Variants in SVOP observed in about 807,000 individuals in gnomAD.
The protein encoded by SVOP is synaptic vesicle 2-related protein.
In SVOP, 17 loss-of-function variants were observed where a neutral mutation model predicts 69.1. The observed-to-expected ratio is 0.25, with a 90% confidence interval of 0.17 to 0.37. SVOP has a LOEUF of 0.37. Ranked by LOEUF, SVOP falls within the 10% of genes least tolerant of loss-of-function variation. The pLI, the probability that SVOP is intolerant of heterozygous loss-of-function variation, is 1.00. For missense variants in SVOP, 435 were observed against 597.5 expected, an observed-to-expected ratio of 0.73 and a Z score of 2.84; for synonymous variants, 238 against 238.6, an observed-to-expected ratio of 1.00 and a Z score of 0.02.
intron 11 of SVOP, among the ~76,000 whole-genome samples, chr12:108,930,053 G>T (rs2039806590): frequency 6.6e-6 from 1 of 152,148 alleles, no homozygotes; most frequent in African/African-American, 2.4e-5. Flanking sequence ...TCCCTTGCCT[G>T]TTTTTTGCCT....
At chr12:108,912,856 G>C (rs1470355642) in intron 15 of SVOP, 115 bp from the exon 16 acceptor site, 1 of 1,085,492 alleles carries the variant, frequency 9.2e-7, no homozygotes, top group Non-Finnish European at 1.3e-6. Flanking sequence ...TTGCTAAAAA[G>C]GATCTGGTGA....
rs552122636 is a variant in SVOP, at chr12:108,914,878, A to T, written c.1440+905T>A. Among the ~76,000 whole-genome samples the T allele has an allele frequency of 3.9e-3, 595 of 151,552 alleles. 1 individual carries two copies. Among genetic ancestry groups the T allele is most frequent in the Non-Finnish European group, 4.3e-3 (295 of 67,868 alleles). On this transcript the variant is annotated intron_variant, in intron 15 of 15. Coordinates refer to ENST00000610966, the MANE Select transcript of SVOP (RefSeq NM_018711.5). ...TGACCCTTCTTTCCTTTTGTTAAAA[A>T]AAAAAAAATTTTTTTGGCCAGGCAC...
chr12:109,014,826 A>G (rs1353169015), intron 1 of SVOP, among the ~76,000 whole-genome samples: 1 of 152,032 alleles, frequency 6.6e-6, no homozygotes. Flanking sequence ...GGCTCAAGCA[A>G]TCTTCCCTCC....
rs1375510665 is a variant in SVOP at position 108,910,691 on chromosome 12, A to G, written c.*1844T>C. 3 of 152,200 alleles carry G rather than the reference A, an allele frequency of 2.0e-5. No homozygotes were observed. The highest frequency in any genetic ancestry group is 4.4e-5 in the Non-Finnish European group (3 of 68,034). 9.4% of individuals were successfully genotyped at this position (152,200 alleles called of 1,614,324 possible). A position where few individuals can be genotyped will look rare whatever the true frequency, so the allele number is the denominator to read the frequency against. On this transcript the variant is annotated 3_prime_UTR_variant, in exon 16 of 16. Coordinates refer to ENST00000610966, the MANE Select transcript of SVOP (RefSeq NM_018711.5). ...AGTCCCCCATCATGACCTGCACACC[A>G]TTAGAAGAAAGTGTTGTCTCCAACA...
chr12:109,015,135 T>C (rs1240811955), intron 1 of SVOP, among the ~76,000 whole-genome samples: 1 of 152,074 alleles, frequency 6.6e-6, no homozygotes, highest in Non-Finnish European at 1.5e-5. Flanking sequence ...TTTGAGACTT[T>C]ATGAGAGTGA....
At chr12:109,009,538 G>A (rs1001511263) in intron 1 of SVOP, among the ~76,000 whole-genome samples, 9 of 151,472 alleles carry the variant, frequency 5.9e-5, no homozygotes, top group African/African-American at 1.7e-4. Flanking sequence ...TCAGCCTCCC[G>A]AGTAGCTGGG....
intron 1 of SVOP, 79 bp downstream of exon 1, chr12:109,020,755 C>CA: frequency 4.0e-5 from 7 of 174,594 alleles, no homozygotes; most frequent in Admixed American, 3.0e-4. Flanking sequence ...CAGAGATGTA[C>CA]CCCCCCCCAC....
In SVOP at chr12:108,911,033, T is replaced by C. The variant is rs1346236835; in HGVS notation, c.*1502A>G. On this transcript the variant is annotated 3_prime_UTR_variant, in exon 16 of 16. Transcript: ENST00000610966. ...TTGTCTATGTCCCCTGCCTTCACCATGGGAAAAAAGGCTCCAGTAAACCAA... is the reference window on the plus strand; with the variant it reads ...TTGTCTATGTCCCCTGCCTTCACCACGGGAAAAAAGGCTCCAGTAAACCAA... 6.6e-6 allele frequency: 1 copy of C among 152,130 alleles called. No individual in the cohort carries two copies. Among genetic ancestry groups the C allele is most frequent in the Non-Finnish European group, 1.5e-5 (1 of 68,028 alleles). The allele number at this position is 152,130 out of a possible 1,614,324, so 9.4% of individuals were successfully genotyped here. A position where few individuals can be genotyped will look rare whatever the true frequency, so the allele number is the denominator to read the frequency against.
intron 10 of SVOP, 30 bp downstream of exon 10, chr12:108,937,234 G>C (rs770340600): frequency 3.1e-6 from 5 of 1,611,200 alleles, no homozygotes; most frequent in Non-Finnish European, 3.4e-6. Flanking sequence ...GAGTGGAAAG[G>C]GGTCAAAGTG....
In SVOP at chr12:108,940,920, A is replaced by T; in HGVS notation, c.643-11T>A. On this transcript the variant is annotated splice_polypyrimidine_tract_variant and intron_variant, in intron 7 of 15. Transcript: ENST00000610966. ...GATGGCCCAGAATACCTGGCACAGG[A>T]GAATCAGGGTCAGTGGTGGGGGTAG... 6.5e-7 allele frequency: 1 copy of T among 1,536,064 alleles called. No individual in the cohort carries two copies. Among genetic ancestry groups the T allele is most frequent in the Middle Eastern group, 1.7e-4 (1 of 5,956 alleles).
intron 11 of SVOP, among the ~76,000 whole-genome samples, chr12:108,928,198 G>C (rs760326882): frequency 3.9e-5 from 6 of 151,900 alleles, no homozygotes; most frequent in Non-Finnish European, 5.9e-5. Context: ...GCCACCATGC[G>C]CAGCCAACCC....
chr12:108,914,585 T>C (rs909245649), intron 15 of SVOP, among the ~76,000 whole-genome samples: 1 of 152,174 alleles, frequency 6.6e-6, no homozygotes, highest in Non-Finnish European at 1.5e-5. Flanking sequence ...TTTTTTCTTT[T>C]TGAGACAAGG....
chr12:108,973,758 CT>C (rs1183764820), intron 4 of SVOP, among the ~76,000 whole-genome samples: 1 of 152,150 alleles, frequency 6.6e-6, no homozygotes, highest in African/African-American at 2.4e-5. Context: ...CAGATTCTTT[CT>C]CAAGAACGAG....
rs148957829 is a variant in SVOP at position 108,962,524 on chromosome 12, C to T, written c.454-1477G>A. On this transcript the variant is annotated intron_variant, in intron 5 of 15. Transcript: ENST00000610966. ...AAATGGAGTGTTGCTATGTTGCCCA[C>T]GCTGATCTTGAACTCCTGAGTTCAA... is the stretch of plus-strand genomic sequence containing the variant. 2.4e-3 allele frequency among the ~76,000 whole-genome samples: 373 copies of T among 152,262 alleles called. 10 individuals carry two copies. The East Asian group carries it at 0.061, about 25-fold the overall frequency.
intron 1 of SVOP, among the ~76,000 whole-genome samples, chr12:109,015,763 A>G (rs941275003): frequency 1.3e-5 from 2 of 152,210 alleles, no homozygotes; most frequent in African/African-American, 4.8e-5. Context: ...ACTGCACTCC[A>G]GCCTGGGCAA....
chr12:108,939,256 TG>T (rs1437878885), intron 8 of SVOP, among the ~76,000 whole-genome samples: 2 of 152,194 alleles, frequency 1.3e-5, no homozygotes, highest in Non-Finnish European at 2.9e-5. Context: ...GTGCAGTGCC[TG>T]GTATGGGTTA....
In SVOP at chr12:108,957,459, C is replaced by T. The variant is rs542229171; in HGVS notation, c.578+3464G>A. 9.9e-5 allele frequency among the ~76,000 whole-genome samples: 15 copies of T among 152,218 alleles called. 1 individual carries two copies. The East Asian group carries it at 1.7e-3, about 18-fold the overall frequency. ...GATTACAGACGTGAGCCACCGTGCC[C>T]GGACCCATTAGACTTTAAGCAACAG... On this transcript the variant is annotated intron_variant, in intron 6 of 15. Transcript: ENST00000610966.
chr12:108,929,730 G>T (rs537516234), intron 11 of SVOP, among the ~76,000 whole-genome samples: 6 of 152,180 alleles, frequency 3.9e-5, no homozygotes, highest in African/African-American at 1.4e-4. Flanking sequence ...GAATACTTGC[G>T]TATACAGAAA....
At chr12:108,943,705 G>A (rs2039906007) in intron 7 of SVOP, among the ~76,000 whole-genome samples, 1 of 152,120 alleles carries the variant, frequency 6.6e-6, no homozygotes. Flanking sequence ...CCTGAGAGAG[G>A]ACAGAGTGTC....
Sources: allele counts gnomAD v4.1 joint callset (sites outside exome capture counted in the v4.1 genomes callset), GRCh38; gene constraint gnomAD v4.1.1; transcripts MANE v1.5; gene names NCBI Gene and HGNC (gene_info 2026-07-23, HGNC 2026-07-21).